Variants in JDP2 observed in about 807,000 individuals in gnomAD.
The protein encoded by JDP2 is progesterone receptor co-activator.
In JDP2, 9 loss-of-function variants were observed where a neutral mutation model predicts 17.1. That is an observed-to-expected ratio of 0.53 (90% CI 0.32 to 0.92). JDP2 has a LOEUF of 0.92. Among genes scored for constraint, JDP2 ranks in the 40% least tolerant of loss-of-function variants. JDP2 has a pLI of 0.04. For synonymous variants in JDP2, 107 were observed against 95.6 expected, an observed-to-expected ratio of 1.12 and a Z score of -0.69; for missense variants, 179 against 220.0, an observed-to-expected ratio of 0.81 and a Z score of 1.18.
chr14:75,443,751 C>T (rs184413970), intron 2 of JDP2, among the ~76,000 whole-genome samples: 5 of 152,088 alleles, frequency 3.3e-5, no homozygotes, highest in Non-Finnish European at 7.4e-5. Flanking sequence ...CACAGGGTCC[C>T]TTGGAGAGGT....
intron 2 of JDP2, among the ~76,000 whole-genome samples, chr14:75,448,404 C>T (rs1885704452): frequency 6.6e-6 from 1 of 152,210 alleles, no homozygotes; most frequent in African/African-American, 2.4e-5. Context: ...TTCTGATGCT[C>T]TCTGCACATG....
intron 2 of JDP2, among the ~76,000 whole-genome samples, chr14:75,444,931 C>G (rs547384914): frequency 6.6e-6 from 1 of 152,286 alleles, no homozygotes; most frequent in East Asian, 1.9e-4. Context: ...GCTTTTCAAG[C>G]CTCTGTTTTC....
At chr14:75,456,014 A>G (rs1379865266) in intron 2 of JDP2, among the ~76,000 whole-genome samples, 1 of 152,182 alleles carries the variant, frequency 6.6e-6, no homozygotes, top group Non-Finnish European at 1.5e-5. Context: ...ACTGGGGACC[A>G]TCTTCAGCTC....
intron 2 of JDP2, among the ~76,000 whole-genome samples, chr14:75,457,614 G>T (rs1886169998): frequency 1.3e-5 from 2 of 152,250 alleles, no homozygotes; most frequent in Admixed American, 6.5e-5. Flanking sequence ...AAGGTTGGGG[G>T]CATGGGTGCA....
intron 2 of JDP2, among the ~76,000 whole-genome samples, chr14:75,453,319 G>A (rs983851176): frequency 6.6e-6 from 1 of 152,072 alleles, no homozygotes; most frequent in Non-Finnish European, 1.5e-5. Flanking sequence ...TGCAGGGGGG[G>A]CCCTGGTGGG....
intron 3 of JDP2, among the ~76,000 whole-genome samples, chr14:75,467,135 CA>C (rs1259853798): frequency 6.6e-6 from 1 of 152,166 alleles, no homozygotes; most frequent in East Asian, 1.9e-4. Context: ...GCTCTCAACC[CA>C]CCTTCTCACT....
At chr14:75,444,193 C>G (rs1164456160) in intron 2 of JDP2, among the ~76,000 whole-genome samples, 2 of 152,312 alleles carry the variant, frequency 1.3e-5, no homozygotes, top group East Asian at 3.9e-4. Flanking sequence ...CGTGAGCCAC[C>G]AACCCCTGTT....
intron 1 of JDP2, among the ~76,000 whole-genome samples, chr14:75,431,781 G>T (rs1307502959): frequency 2.0e-5 from 3 of 152,186 alleles, no homozygotes; most frequent in Non-Finnish European, 4.4e-5. Flanking sequence ...CATGGCTGCA[G>T]GAAACAGAGA....
intron 1 of JDP2, among the ~76,000 whole-genome samples, chr14:75,431,239 T>G (rs1478871967): frequency 6.6e-6 from 1 of 152,198 alleles, no homozygotes; most frequent in Non-Finnish European, 1.5e-5. Context: ...TAACTTCATA[T>G]GTATTTATTG....
intron 2 of JDP2, among the ~76,000 whole-genome samples, chr14:75,457,875 G>A (rs572272453): frequency 6.6e-6 from 1 of 152,238 alleles, no homozygotes; most frequent in Non-Finnish European, 1.5e-5. Flanking sequence ...GAAAGCTCCC[G>A]TGAGCGCTGG....
chr14:75,434,978 T>C (rs1205155199), intron 1 of JDP2, among the ~76,000 whole-genome samples: 1 of 152,254 alleles, frequency 6.6e-6, no homozygotes, highest in African/African-American at 2.4e-5. Flanking sequence ...CCAGAAATGA[T>C]GCTAAGCACT....
intron 2 of JDP2, among the ~76,000 whole-genome samples, chr14:75,442,119 G>A (rs1370779027): frequency 2.6e-5 from 4 of 152,174 alleles, no homozygotes; most frequent in Admixed American, 1.3e-4. Flanking sequence ...GCACACTGTC[G>A]TTAAGGGGCA....
At position 75,469,525 on chromosome 14, in the gene JDP2, A is replaced by C. The variant is rs1341033643; in HGVS notation, c.*50A>C. The stretch of plus-strand genomic sequence containing the variant: ...AGGAGGAAGAGGAGAAGGAAAAGTG[A>C]CGAAGAGAGAGGAGGAGGGGGGCCC... On this transcript the variant is annotated 3_prime_UTR_variant, in exon 4 of 4. Transcript: ENST00000651602. The C allele has an allele frequency of 1.3e-6, 2 of 1,570,052 alleles. No homozygotes were observed.
intron 2 of JDP2, among the ~76,000 whole-genome samples, chr14:75,441,434 A>G (rs1291361058): frequency 6.6e-6 from 1 of 152,226 alleles, no homozygotes; most frequent in Non-Finnish European, 1.5e-5. Flanking sequence ...TTTGTTAAGC[A>G]TCTACTATGT....
At chr14:75,465,228 G>C (rs1886519265) in intron 3 of JDP2, among the ~76,000 whole-genome samples, 1 of 152,168 alleles carries the variant, frequency 6.6e-6, no homozygotes, top group Admixed American at 6.5e-5. Context: ...GCTCAAAGGG[G>C]CATATCAGGC....
rs973808348 is a variant in JDP2, at chr14:75,472,750, C to G, written c.*3275C>G. On this transcript the variant is annotated 3_prime_UTR_variant, in exon 4 of 4. Transcript: ENST00000651602. ...GGTAGTTATTGATATCTACATAGTACAGGTTATTTAAATATGTTTTATTCT... is the reference window on the plus strand; with the variant it reads ...GGTAGTTATTGATATCTACATAGTAGAGGTTATTTAAATATGTTTTATTCT... The G allele has an allele frequency of 1.3e-5, 2 of 152,204 alleles. No homozygotes were observed. Among genetic ancestry groups the G allele is most frequent in the African/African-American group, 4.8e-5 (2 of 41,448 alleles). 9.4% of individuals were successfully genotyped at this position (152,204 alleles called of 1,614,324 possible).
chr14:75,428,082 G>GGCGGACGCTGCA lies in JDP2; in HGVS notation c.-189_-178dup, dbSNP rs1884606389. ...GGCCGCGACGGGGGGCGCTGGCGGC[G>GGCGGACGCTGCA]GCGGACGCTGCAGCGGCGGCGGGGC... On this transcript the variant is annotated 5_prime_UTR_variant, in exon 1 of 4. Transcript: ENST00000651602. The surrounding 1 kb of genome is among the most constrained non-coding windows in gnomAD (Gnocchi z 5.6). 6.8e-6 allele frequency: 1 copy of GGCGGACGCTGCA among 147,886 alleles called. No individual in the cohort carries two copies. Among genetic ancestry groups the GGCGGACGCTGCA allele is most frequent in the Admixed American group, 6.7e-5 (1 of 14,872 alleles). The allele number at this position is 147,886 out of a possible 1,614,324, so 9.2% of individuals were successfully genotyped here.
chr14:75,461,947 C>T (rs773213292), intron 3 of JDP2, among the ~76,000 whole-genome samples: 1 of 152,176 alleles, frequency 6.6e-6, no homozygotes, highest in Non-Finnish European at 1.5e-5. Flanking sequence ...CAGCCTCTGG[C>T]CTGGCTAACT....
chr14:75,432,380 C>G, intron 1 of JDP2: 1 of 1,537,366 alleles, frequency 6.5e-7, no homozygotes, highest in Middle Eastern at 1.7e-4. Context: ...TTCTGACCTT[C>G]TCTGTGGACT....
Sources: gnomAD v4.1 joint callset for allele counts (sites outside exome capture counted in the v4.1 genomes callset) on GRCh38, gnomAD v4.1.1 for gene constraint, Gnocchi (gnomAD v3.1) non-coding constraint, MANE v1.5 for transcripts, NCBI Gene and HGNC (gene_info 2026-07-23, HGNC 2026-07-21) for gene names.